SLC37A1: variants seen among roughly 807,000 people sequenced by gnomAD.
SLC37A1 encodes solute carrier family 37 member 1.
In SLC37A1, 49 loss-of-function variants were observed where a neutral mutation model predicts 75.3. The ratio of observed to expected loss-of-function variants is 0.65; its 90% CI spans 0.52 to 0.83. The LOEUF (loss-of-function observed/expected upper bound fraction) is 0.83, where lower values mean the gene tolerates loss of function less well. Among genes scored for constraint, SLC37A1 ranks in the 40% least tolerant of loss-of-function variants. The pLI, the probability that SLC37A1 is intolerant of heterozygous loss-of-function variation, is 0.00. For missense variants in SLC37A1, 566 were observed against 695.0 expected (o/e 0.81, Z 2.09); for synonymous variants, 268 against 292.1 (o/e 0.92, Z 0.84).
At position 42,543,484 on chromosome 21, in the gene SLC37A1, C is replaced by T. The variant is rs1243404885; in HGVS notation, c.612C>T (p.Asn204=). Reference sequence around the variant, plus strand: ...GGAACTCCCACACCTCCGTGGGCAACATCTTGGGGTCATTGATCGCTGGCT... The same window carrying T: ...GGAACTCCCACACCTCCGTGGGCAATATCTTGGGGTCATTGATCGCTGGCT... ...GVWNSHTSVG[N]ILGSLIAGYW... Residue 204 remains asparagine, a synonymous_variant, in exon 8 of 20, where the codon AAC becomes AAT. Coordinates refer to ENST00000352133, the MANE Select transcript of SLC37A1 (RefSeq NM_001320537.2). The T allele has an allele frequency of 6.2e-7, 1 of 1,614,080 alleles. No homozygotes were observed. The highest frequency in any genetic ancestry group is 8.5e-7 in the Non-Finnish European group (1 of 1,180,030).
At chr21:42,530,379 G>C (rs1175009922) in intron 3 of SLC37A1, among the ~76,000 whole-genome samples, 1 of 152,168 alleles carries the variant, frequency 6.6e-6, no homozygotes, top group Non-Finnish European at 1.5e-5. Flanking sequence ...CAGGAGGCTG[G>C]CCGTGGGCAG....
At chr21:42,524,435 G>A (rs1401783468) in intron 2 of SLC37A1, among the ~76,000 whole-genome samples, 4 of 152,194 alleles carry the variant, frequency 2.6e-5, no homozygotes, top group East Asian at 3.8e-4. Flanking sequence ...CAAACTGAGC[G>A]AGGGGCTTTG....
chr21:42,564,845 T>C (rs778755033), intron 14 of SLC37A1, 52 bp downstream of exon 14: 1 of 1,526,664 alleles, frequency 6.6e-7, no homozygotes, highest in African/African-American at 1.4e-5. Context: ...AGTCCCCCAC[T>C]GTCCTCCTCG....
At chr21:42,558,647 A>T (rs751258566) in intron 10 of SLC37A1, among the ~76,000 whole-genome samples, 10 of 151,966 alleles carry the variant, frequency 6.6e-5, no homozygotes, top group Non-Finnish European at 1.3e-4. Context: ...TGAATTTTCT[A>T]TTTTTTCTCA....
chr21:42,511,153 A>G (rs369192056), upstream of SLC37A1, among the ~76,000 whole-genome samples: 15 of 152,364 alleles, frequency 9.8e-5, no homozygotes, highest in South Asian at 1.2e-3. Context: ...TTCTGACCAC[A>G]ATAACATGAA....
chr21:42,568,615 C>T (rs2056042876), intron 17 of SLC37A1, among the ~76,000 whole-genome samples, 177 bp downstream of exon 17: 1 of 152,148 alleles, frequency 6.6e-6, no homozygotes, highest in African/African-American at 2.4e-5. Flanking sequence ...TCACGCATGC[C>T]TGGGTGGCTT....
Position 42,548,190 on chromosome 21 carries a change from G to A in SLC37A1, c.768+1050G>A, listed in dbSNP as rs563854526. ...GTCTGCCCGCTCACTGCAGGAGAGC[G>A]CGCTCGGGCCTTTCAGCGGCTCCAG... On this transcript the variant is annotated intron_variant, in intron 9 of 19. Transcript: ENST00000352133. The surrounding 1 kb of genome is among the most constrained non-coding windows in gnomAD (Gnocchi z 5.6). Among the ~76,000 whole-genome samples the A allele has an allele frequency of 1.1e-4, 16 of 152,252 alleles. No individual in the cohort carries two copies. Among genetic ancestry groups the A allele is most frequent in the East Asian group, 9.7e-4 (5 of 5,168 alleles).
intron 1 of SLC37A1, among the ~76,000 whole-genome samples, chr21:42,501,279 C>T (rs891986423): frequency 1.3e-5 from 2 of 152,076 alleles, no homozygotes; most frequent in African/African-American, 2.4e-5. Context: ...CTCCATTTTC[C>T]GAGGGCTCTC....
intron 18 of SLC37A1, chr21:42,575,473 T>C: frequency 6.1e-6 from 6 of 985,454 alleles, no homozygotes; most frequent in Non-Finnish European, 7.2e-6. Flanking sequence ...TTCTGGCTTC[T>C]GCCCCCTTTT....
intron 9 of SLC37A1, among the ~76,000 whole-genome samples, 158 bp from the exon 10 acceptor site, chr21:42,553,904 A>T (rs2055616718): frequency 6.6e-6 from 1 of 152,180 alleles, no homozygotes; most frequent in Non-Finnish European, 1.5e-5. Flanking sequence ...GAGAGTCTGG[A>T]GTGTTGAGAT....
chr21:42,547,456 G>T lies in SLC37A1; in HGVS notation c.768+316G>T. Reference sequence around the variant, plus strand: ...TCCTGGTTTCCCCAGGGGCCTCAGTGTGACGGGGAAAAACGCACGTGTCAG... The same window carrying T: ...TCCTGGTTTCCCCAGGGGCCTCAGTTTGACGGGGAAAAACGCACGTGTCAG... On this transcript the variant is annotated intron_variant, in intron 9 of 19. Coordinates refer to ENST00000352133, the MANE Select transcript of SLC37A1 (RefSeq NM_001320537.2). This position sits in a 1 kb window ranked among gnomAD's most constrained non-coding sequence, Gnocchi z 6.1. The T allele has an allele frequency of 3.2e-6, 1 of 311,672 alleles. No homozygotes were observed. The highest frequency in any genetic ancestry group is 6.3e-5 in the East Asian group (1 of 15,794). The allele number at this position is 311,672 out of a possible 1,614,324, so 19.3% of individuals were successfully genotyped here.
chr21:42,528,702 G>A lies in SLC37A1; in HGVS notation c.138+2845G>A, dbSNP rs571183041. Among the ~76,000 whole-genome samples, 38 of 152,320 alleles carry A rather than the reference G, an allele frequency of 2.5e-4. No individual in the cohort carries two copies. The East Asian group carries it at 3.1e-3, about 12-fold the overall frequency. On this transcript the variant is annotated intron_variant, in intron 3 of 19. Coordinates refer to ENST00000352133, the MANE Select transcript of SLC37A1 (RefSeq NM_001320537.2). ...AAATTAACCAGGCATGGTGACAGGC[G>A]CCTGTAATCCCAGCTACTGGGGAGG...
At position 42,554,100 on chromosome 21, in the gene SLC37A1, A is replaced by C. The variant is rs1156339476; in HGVS notation, c.807A>C (p.Arg269Ser). ...KGYENGTNRL[R>S]LQKQILKSEK... ...ATGAGAATGGTACAAACAGATTGAGACTCCAGAAGCAAATCTTGAAGAGCG... is the reference window on the plus strand; with the variant it reads ...ATGAGAATGGTACAAACAGATTGAGCCTCCAGAAGCAAATCTTGAAGAGCG... The change falls in exon 10 of 20, where the codon AGA becomes AGC. Residue 269 changes from arginine (R) to serine (S), a missense_variant. Arg to Ser is a moderately radical substitution (Grantham distance 110). Coordinates refer to ENST00000352133, the MANE Select transcript of SLC37A1 (RefSeq NM_001320537.2). 4.3e-6 allele frequency: 7 copies of C among 1,613,528 alleles called. No individual in the cohort carries two copies. Among genetic ancestry groups the C allele is most frequent in the Non-Finnish European group, 5.9e-6 (7 of 1,179,848 alleles).
rs1161313598 is a variant in SLC37A1, at chr21:42,530,654, A to ACACACCCCC, written c.139-4043_139-4042insACACCCCCC. Among the ~76,000 whole-genome samples the ACACACCCCC allele has an allele frequency of 3.2e-3, 115 of 35,880 alleles. 3 individuals are homozygous for ACACACCCCC. The highest frequency in any genetic ancestry group is 4.6e-3 in the Non-Finnish European group (88 of 19,098). The allele number at this position is 35,880 out of a possible 152,430, so 23.5% of individuals were successfully genotyped here. ...CACACACACACACACACACACACAC[A>ACACACCCCC]CCCCCTCTGTGTTGGCTGAAGGTGG... is the stretch of plus-strand genomic sequence containing the variant. On this transcript the variant is annotated intron_variant, in intron 3 of 19. Coordinates refer to ENST00000352133, the MANE Select transcript of SLC37A1 (RefSeq NM_001320537.2).
At chr21:42,558,528 T>C (rs552337744) in intron 10 of SLC37A1, among the ~76,000 whole-genome samples, 1 of 152,358 alleles carries the variant, frequency 6.6e-6, no homozygotes, top group African/African-American at 2.4e-5. Context: ...TTTGAGGTTA[T>C]AATGACATGC....
intron 6 of SLC37A1, among the ~76,000 whole-genome samples, chr21:42,541,899 A>G (rs1409451587): frequency 1.3e-5 from 2 of 151,978 alleles, no homozygotes; most frequent in African/African-American, 4.8e-5. Flanking sequence ...GCACCACCAC[A>G]CCTGGCTAAT....
chr21:42,513,838 G>T (rs1163072523), upstream of SLC37A1: 1 of 146,156 alleles, frequency 6.8e-6, no homozygotes, highest in Admixed American at 6.8e-5. Flanking sequence ...GGGGCCTCCC[G>T]CGCGCCGCTC....
intron 17 of SLC37A1, among the ~76,000 whole-genome samples, chr21:42,573,326 CTCCT>C (rs1200612674): frequency 9.8e-6 from 1 of 101,730 alleles, no homozygotes; most frequent in Non-Finnish European, 2.0e-5. Context: ...CACTGCGTTC[CTCCT>C]TCCTTGCCTT....
At chr21:42,532,613 G>A (rs1369065160) in intron 3 of SLC37A1, among the ~76,000 whole-genome samples, 1 of 152,184 alleles carries the variant, frequency 6.6e-6, no homozygotes, top group Non-Finnish European at 1.5e-5. Flanking sequence ...ACAGAGAAAG[G>A]CCACAGATAC....
Sources: allele counts gnomAD v4.1 joint callset (sites outside exome capture counted in the v4.1 genomes callset), GRCh38; gene constraint gnomAD v4.1.1; non-coding constraint Gnocchi (gnomAD v3.1); transcripts MANE v1.5; gene names NCBI Gene and HGNC (gene_info 2026-07-23, HGNC 2026-07-21).